Variants in THRB observed in about 807,000 individuals in gnomAD.
THRB encodes nuclear receptor subfamily 1 group A member 2.
In THRB, 12 loss-of-function variants were observed where a neutral mutation model predicts 47.8. The ratio of observed to expected loss-of-function variants is 0.25; its 90% CI spans 0.16 to 0.41. THRB has a LOEUF of 0.41. Ranked by LOEUF, THRB falls within the 10% of genes least tolerant of loss-of-function variation. The pLI, the probability that THRB is intolerant of heterozygous loss-of-function variation, is 1.00. For missense variants in THRB, 348 were observed against 589.2 expected, an observed-to-expected ratio of 0.59 and a Z score of 4.24; for synonymous variants, 218 against 212.2, an observed-to-expected ratio of 1.03 and a Z score of -0.24.
chr3:24,300,332 A>G (rs2056850129), intron 2 of THRB, among the ~76,000 whole-genome samples: 1 of 152,214 alleles, frequency 6.6e-6, no homozygotes. Flanking sequence ...CACTCTGGCC[A>G]TGATAAAACC....
rs1355911781 is a variant in THRB at position 24,143,537 on chromosome 3, G to T, written c.702C>A (p.Ala234=). The change falls in exon 8 of 11, where the codon GCC becomes GCA. Residue 234 remains alanine (A), a synonymous_variant. Coordinates refer to ENST00000646209, the MANE Select transcript of THRB (RefSeq NM_001354712.2). ...TVTEAHVATN[A]QGSHWKQKRK... ...GTTTTTGCTTCCAGTGGCTGCCTTG[G>T]GCGTTGGTCGCCACATGGGCTTCGG... 1 of 1,614,200 alleles carries T rather than the reference G, an allele frequency of 6.2e-7. No homozygotes were observed. The highest frequency in any genetic ancestry group is 1.7e-5 in the Admixed American group (1 of 60,030).
chr3:24,400,022 C>G (rs1286678848), intron 1 of THRB, among the ~76,000 whole-genome samples: 1 of 152,112 alleles, frequency 6.6e-6, no homozygotes, highest in Non-Finnish European at 1.5e-5. Context: ...GTCAACACTT[C>G]CAAGTCCTGG....
intron 1 of THRB, among the ~76,000 whole-genome samples, chr3:24,461,410 A>G (rs2073685881): frequency 1.3e-5 from 2 of 152,198 alleles, no homozygotes; most frequent in South Asian, 4.1e-4. Context: ...CTCTCAATAA[A>G]CAGTAGCTGC....
At chr3:24,274,883 GTTTT>G (rs11292201) in intron 3 of THRB, among the ~76,000 whole-genome samples, 2 of 151,926 alleles carry the variant, frequency 1.3e-5, no homozygotes, top group African/African-American at 4.8e-5. Flanking sequence ...GAGAGAGACA[GTTTT>G]TTTTATGTTG....
intron 5 of THRB, among the ~76,000 whole-genome samples, chr3:24,170,898 T>C (rs2040345840): frequency 2.0e-5 from 3 of 152,112 alleles, no homozygotes; most frequent in African/African-American, 7.2e-5. Context: ...TTGCAATAAG[T>C]GGATTATCTT....
intron 1 of THRB, among the ~76,000 whole-genome samples, chr3:24,394,572 G>T (rs945234716): frequency 3.3e-5 from 5 of 152,078 alleles, no homozygotes; most frequent in African/African-American, 9.7e-5. Flanking sequence ...TTTCAGAGAA[G>T]AAAATGTCAT....
intron 1 of THRB, among the ~76,000 whole-genome samples, chr3:24,380,793 A>G (rs2065648109): frequency 6.6e-6 from 1 of 152,184 alleles, no homozygotes; most frequent in African/African-American, 2.4e-5. Flanking sequence ...CCAAAAGGCT[A>G]AAAGATATTG....
intron 2 of THRB, among the ~76,000 whole-genome samples, chr3:24,312,696 A>C (rs2057836171): frequency 6.6e-6 from 1 of 152,200 alleles, no homozygotes; most frequent in South Asian, 2.1e-4. Context: ...AGCGTGGCTC[A>C]GCCATGGTGA....
intron 4 of THRB, among the ~76,000 whole-genome samples, chr3:24,205,606 A>T (rs539860977): frequency 2.0e-5 from 3 of 152,206 alleles, no homozygotes; most frequent in Non-Finnish European, 4.4e-5. Context: ...CGAGCAAAAT[A>T]ACCAGCTAAC....
intron 3 of THRB, among the ~76,000 whole-genome samples, chr3:24,289,665 C>T (rs75453260): frequency 1.8e-3 from 277 of 152,254 alleles, no homozygotes; most frequent in African/African-American, 6.2e-3. Context: ...CTAATTATTT[C>T]GAGGAGTCTG....
intron 1 of THRB, among the ~76,000 whole-genome samples, chr3:24,350,375 G>T (rs542842504): frequency 6.6e-6 from 1 of 152,110 alleles, no homozygotes; most frequent in East Asian, 1.9e-4. Flanking sequence ...TGTACACGTG[G>T]TCACCAAAAG....
At chr3:24,364,474 C>T (rs2064308511) in intron 1 of THRB, among the ~76,000 whole-genome samples, 1 of 152,026 alleles carries the variant, frequency 6.6e-6, no homozygotes, top group Non-Finnish European at 1.5e-5. Context: ...AAATGAATTC[C>T]AATTCTTACA....
intron 8 of THRB, among the ~76,000 whole-genome samples, chr3:24,140,167 G>T (rs1313097698): frequency 6.6e-6 from 1 of 152,164 alleles, no homozygotes; most frequent in Non-Finnish European, 1.5e-5. Flanking sequence ...TTTCTGCAAG[G>T]AGTATATGTA....
chr3:24,192,572 T>C (rs2043478004), intron 4 of THRB, among the ~76,000 whole-genome samples: 1 of 152,150 alleles, frequency 6.6e-6, no homozygotes, highest in South Asian at 2.1e-4. Flanking sequence ...CCAAACTGGG[T>C]AGTCATTACT....
chr3:24,418,716 T>C (rs2068969550), intron 1 of THRB, among the ~76,000 whole-genome samples: 1 of 151,892 alleles, frequency 6.6e-6, no homozygotes, highest in South Asian at 2.1e-4. Flanking sequence ...GCTTATTATG[T>C]AATTCTAATA....
In THRB at chr3:24,119,405, T is replaced by A. The variant is rs890503684; in HGVS notation, c.*3479A>T. On this transcript the variant is annotated 3_prime_UTR_variant, in exon 11 of 11. Transcript: ENST00000646209. ...AAAACTGTAAGACTGATTTCATAATTTATGACTCATGCAGCAAAAGGTCAA... is the reference window on the plus strand; with the variant it reads ...AAAACTGTAAGACTGATTTCATAATATATGACTCATGCAGCAAAAGGTCAA... 1 of 152,210 alleles carries A rather than the reference T, an allele frequency of 6.6e-6. No individual in the cohort carries two copies. The highest frequency in any genetic ancestry group is 1.5e-5 in the Non-Finnish European group (1 of 68,044). The allele number at this position is 152,210 out of a possible 1,614,324, so 9.4% of individuals were successfully genotyped here.
intron 3 of THRB, among the ~76,000 whole-genome samples, chr3:24,255,940 T>C (rs1472879377): frequency 2.6e-5 from 4 of 152,198 alleles, no homozygotes; most frequent in East Asian, 1.9e-4. Context: ...GTCATATAGA[T>C]AAATGGTAAC....
intron 1 of THRB, chr3:24,458,055 C>G (rs901804442): frequency 6.6e-6 from 1 of 152,098 alleles, no homozygotes; most frequent in African/African-American, 2.4e-5. Context: ...TGACAAGTCC[C>G]CAGGGGAAGT....
At chr3:24,347,165 C>T (rs761690322) in intron 1 of THRB, among the ~76,000 whole-genome samples, 1 of 151,872 alleles carries the variant, frequency 6.6e-6, no homozygotes, top group Non-Finnish European at 1.5e-5. Flanking sequence ...AGATTAAGCA[C>T]AATGGAAATT....
Sources: gnomAD v4.1 joint callset for allele counts (sites outside exome capture counted in the v4.1 genomes callset) on GRCh38, gnomAD v4.1.1 for gene constraint, MANE v1.5 for transcripts, NCBI Gene and HGNC (gene_info 2026-07-23, HGNC 2026-07-21) for gene names.